The following GRM7 variants were observed in gnomAD, a reference collection of about 807,000 sequenced individuals.
The protein encoded by GRM7 is metabotropic glutamate receptor 7.
GRM7 carries 35 observed loss-of-function variants against 84.5 expected under a neutral mutation model. That is an observed-to-expected ratio of 0.41 (90% confidence interval 0.32 to 0.55). The LOEUF (loss-of-function observed/expected upper bound fraction) is 0.55, where lower values mean the gene tolerates loss of function less well. GRM7 is among the 20% of genes least tolerant of loss of function. The pLI, the probability that GRM7 is intolerant of heterozygous loss-of-function variation, is 0.19. For synonymous variants in GRM7, 487 were observed against 455.1 expected, an observed-to-expected ratio of 1.07 and a Z score of -0.89; for missense variants, 1,003 against 1,194.6, an observed-to-expected ratio of 0.84 and a Z score of 2.36.
chr3:7,611,634 C>A (rs181904014), intron 8 of GRM7, among the ~76,000 whole-genome samples: 411 of 152,260 alleles, frequency 2.7e-3, no homozygotes, highest in Non-Finnish European at 3.9e-3. Flanking sequence ...TGGAGCCCAA[C>A]TAGAATAGCT....
chr3:6,920,041 C>G (rs1697070823), intron 1 of GRM7, among the ~76,000 whole-genome samples: 1 of 152,152 alleles, frequency 6.6e-6, no homozygotes, highest in African/African-American at 2.4e-5. Context: ...GGAGACAAAG[C>G]TATCTTGTAT....
At chr3:7,355,325 G>T (rs1257604412) in intron 4 of GRM7, among the ~76,000 whole-genome samples, 1 of 152,058 alleles carries the variant, frequency 6.6e-6, no homozygotes, top group East Asian at 1.9e-4. Flanking sequence ...GACCTGAAAA[G>T]CTGCTAGTTT....
At chr3:6,873,623 G>A (rs1695203726) in intron 1 of GRM7, among the ~76,000 whole-genome samples, 3 of 152,312 alleles carry the variant, frequency 2.0e-5, no homozygotes, top group South Asian at 2.1e-4. Context: ...CACACAGTGA[G>A]GTCTATTATT....
intron 7 of GRM7, among the ~76,000 whole-genome samples, chr3:7,496,746 C>T (rs1157410450): frequency 6.6e-6 from 1 of 151,704 alleles, no homozygotes; most frequent in African/African-American, 2.4e-5. Flanking sequence ...AGAGAAGCAA[C>T]TGCATCGAAT....
At chr3:7,720,598 C>A (rs1031633933) in intron 9 of GRM7, among the ~76,000 whole-genome samples, 2 of 152,218 alleles carry the variant, frequency 1.3e-5, no homozygotes, top group African/African-American at 4.8e-5. Context: ...TGAATGAGTG[C>A]TCCCTGAGCA....
At chr3:7,525,084 G>A (rs1442996016) in intron 7 of GRM7, among the ~76,000 whole-genome samples, 2 of 149,328 alleles carry the variant, frequency 1.3e-5, no homozygotes, top group Non-Finnish European at 1.5e-5. Context: ...ATGGACACAG[G>A]AAGGGGAACA....
At chr3:7,345,016 T>G (rs182695329) in intron 4 of GRM7, among the ~76,000 whole-genome samples, 7 of 152,286 alleles carry the variant, frequency 4.6e-5, no homozygotes, top group Non-Finnish European at 1.0e-4. Flanking sequence ...TGTATTAAAG[T>G]AGCATGCTGT....
At chr3:7,261,645 G>T (rs1282559509) in intron 2 of GRM7, among the ~76,000 whole-genome samples, 1 of 152,130 alleles carries the variant, frequency 6.6e-6, no homozygotes, top group Non-Finnish European at 1.5e-5. Flanking sequence ...TATGTTAGCT[G>T]GTTAGTATAC....
At chr3:7,393,824 G>C (rs1350460795) in intron 4 of GRM7, among the ~76,000 whole-genome samples, 1 of 152,130 alleles carries the variant, frequency 6.6e-6, no homozygotes, top group Non-Finnish European at 1.5e-5. Flanking sequence ...TATCAAGTAA[G>C]TCTTCATTCA....
chr3:7,399,150 A>C (rs1023786970), intron 4 of GRM7, among the ~76,000 whole-genome samples: 4 of 149,618 alleles, frequency 2.7e-5, no homozygotes, highest in Non-Finnish European at 5.9e-5. Context: ...TGGAAATCAC[A>C]CATCTTCCTA....
intron 1 of GRM7, among the ~76,000 whole-genome samples, chr3:7,110,242 C>G (rs1425483096): frequency 6.6e-6 from 1 of 152,016 alleles, no homozygotes; most frequent in East Asian, 1.9e-4. Context: ...AGATGTCCAA[C>G]CCAATCACAT....
At chr3:7,028,361 T>C (rs1426830888) in intron 1 of GRM7, among the ~76,000 whole-genome samples, 4 of 152,206 alleles carry the variant, frequency 2.6e-5, no homozygotes, top group South Asian at 2.1e-4. Flanking sequence ...TTTTTATAGA[T>C]GTATAGTACA....
At chr3:7,091,597 A>G (rs551115667) in intron 1 of GRM7, among the ~76,000 whole-genome samples, 1 of 151,646 alleles carries the variant, frequency 6.6e-6, no homozygotes, top group African/African-American at 2.4e-5. Context: ...TCATTAAATC[A>G]TTTATGTGCA....
intron 1 of GRM7, among the ~76,000 whole-genome samples, chr3:7,078,225 A>C (rs1366156044): frequency 3.3e-5 from 5 of 152,200 alleles, no homozygotes; most frequent in Non-Finnish European, 1.5e-5. Context: ...TTCCTCAGTG[A>C]CAGCCTAGAT....
intron 8 of GRM7, among the ~76,000 whole-genome samples, chr3:7,580,251 T>C (rs1695183164): frequency 6.6e-6 from 1 of 152,224 alleles, no homozygotes; most frequent in Non-Finnish European, 1.5e-5. Context: ...ATGGTGTCTT[T>C]CACTGGATGT....
intron 1 of GRM7, among the ~76,000 whole-genome samples, chr3:7,101,754 T>A (rs1211491210): frequency 6.7e-6 from 1 of 148,398 alleles, no homozygotes; most frequent in East Asian, 1.9e-4. Context: ...TATATATACA[T>A]GTAAATATCT....
intron 2 of GRM7, among the ~76,000 whole-genome samples, chr3:7,250,120 G>A (rs1485672122): frequency 6.6e-6 from 1 of 152,182 alleles, no homozygotes; most frequent in African/African-American, 2.4e-5. Context: ...CTGAGAAAGA[G>A]AAGAGTGGAT....
chr3:6,975,706 C>T (rs1693963477), intron 1 of GRM7, among the ~76,000 whole-genome samples: 1 of 151,952 alleles, frequency 6.6e-6, no homozygotes, highest in South Asian at 2.1e-4. Flanking sequence ...TTTTATTTTG[C>T]TGTTGTTTGT....
At chr3:6,988,970 C>T (rs1038375731) in intron 1 of GRM7, among the ~76,000 whole-genome samples, 4 of 152,100 alleles carry the variant, frequency 2.6e-5, no homozygotes, top group Admixed American at 1.3e-4. Context: ...ATAAACCCTC[C>T]TATTTTCTAT....
Sources: allele counts gnomAD v4.1 joint callset (sites outside exome capture counted in the v4.1 genomes callset), GRCh38; gene constraint gnomAD v4.1.1; transcripts MANE v1.5; gene names NCBI Gene and HGNC (gene_info 2026-07-23, HGNC 2026-07-21).